UHRF2: variants seen among roughly 807,000 people sequenced by gnomAD.
UHRF2 encodes E3 ubiquitin-protein ligase UHRF2.
A neutral mutation model predicts 96.8 loss-of-function variants in UHRF2; 23 were observed. The observed-to-expected ratio is 0.24, with a 90% CI of 0.17 to 0.34. UHRF2 has a LOEUF of 0.34. UHRF2 is among the 10% of genes least tolerant of loss of function. UHRF2 has a pLI of 1.00. For missense variants in UHRF2, 685 were observed against 981.5 expected, an observed-to-expected ratio of 0.70 and a Z score of 4.04; for synonymous variants, 385 against 332.6, an observed-to-expected ratio of 1.16 and a Z score of -1.72.
intron 14 of UHRF2, among the ~76,000 whole-genome samples, chr9:6,503,874 A>T (rs1816437100): frequency 6.6e-6 from 1 of 152,098 alleles, no homozygotes; most frequent in African/African-American, 2.4e-5. Context: ...TGACTTTTTA[A>T]CATCATATAT....
chr9:6,488,881 C>T (rs946968339), intron 9 of UHRF2, among the ~76,000 whole-genome samples: 2 of 151,410 alleles, frequency 1.3e-5, no homozygotes, highest in African/African-American at 2.4e-5. Context: ...GATGCGATTT[C>T]GGCTCACTGC....
intron 2 of UHRF2, among the ~76,000 whole-genome samples, chr9:6,423,289 G>A (rs976232362): frequency 6.6e-5 from 10 of 152,108 alleles, no homozygotes; most frequent in African/African-American, 1.9e-4. Context: ...TACCTAAGTT[G>A]ACCTACAACA....
chr9:6,423,667 C>A (rs1352254320), intron 2 of UHRF2, among the ~76,000 whole-genome samples: 1 of 149,428 alleles, frequency 6.7e-6, no homozygotes, highest in Non-Finnish European at 1.5e-5. Context: ...AAGTCTCGGC[C>A]GGGCGTGGTG....
In UHRF2 at chr9:6,477,681, TGCTC is replaced by T. The variant is rs1823667834; in HGVS notation, c.1034_1037del (p.Cys345SerfsTer29). The T allele has an allele frequency of 6.2e-7, 1 of 1,614,054 alleles. No individual in the cohort carries two copies. Among genetic ancestry groups the T allele is most frequent in the Admixed American group, 1.7e-5 (1 of 60,006 alleles). On this transcript the variant is annotated frameshift_variant, in exon 6 of 16. Transcript: ENST00000276893. LOFTEE classifies it high-confidence loss of function. ...AGACCCAGAAAAGAAATGTCATTCT[TGCTC>T]CTGTCGTGTATGTGGTGGGAAACAT...
Position 6,428,533 on chromosome 9 carries a change from C to CTTTTTTTTTTTTTTT in UHRF2, c.385-5357_385-5343dup, listed in dbSNP as rs1171172143. Reference sequence around the variant, plus strand: ...TGTAAATGGAACCATATTGCTTTTGCTTTTTTTTTTTTTTTTTTTTTTTTT... The same window carrying CTTTTTTTTTTTTTTT: ...TGTAAATGGAACCATATTGCTTTTGCTTTTTTTTTTTTTTTTTTTTTTTTTTTTTTTTTTTTTTTT... On this transcript the variant is annotated intron_variant, in intron 2 of 15. Coordinates refer to ENST00000276893, the MANE Select transcript of UHRF2 (RefSeq NM_152896.3). Among the ~76,000 whole-genome samples the CTTTTTTTTTTTTTTT allele has an allele frequency of 1.1e-3, 71 of 65,420 alleles. 9 individuals are homozygous for CTTTTTTTTTTTTTTT. Among genetic ancestry groups the CTTTTTTTTTTTTTTT allele is most frequent in the Middle Eastern group, 0.014 (1 of 70 alleles). 42.9% of individuals were successfully genotyped at this position (65,420 alleles called of 152,430 possible).
chr9:6,490,197 T>C (rs1824574619), intron 9 of UHRF2, among the ~76,000 whole-genome samples: 1 of 152,242 alleles, frequency 6.6e-6, no homozygotes. Flanking sequence ...TATTTAACTC[T>C]GGTAACTCAG....
chr9:6,458,061 G>A (rs1822293003), intron 3 of UHRF2, among the ~76,000 whole-genome samples: 1 of 152,102 alleles, frequency 6.6e-6, no homozygotes, highest in Admixed American at 6.5e-5. Flanking sequence ...CCTGTTGTTT[G>A]GAATAGTTTC....
At chr9:6,425,135 G>T (rs913802405) in intron 2 of UHRF2, among the ~76,000 whole-genome samples, 1 of 152,126 alleles carries the variant, frequency 6.6e-6, no homozygotes, top group African/African-American at 2.4e-5. Context: ...CACACTTAAG[G>T]AGTGGGAAGT....
chr9:6,484,278 G>GT (rs1374875567), intron 8 of UHRF2, among the ~76,000 whole-genome samples: 15 of 151,930 alleles, frequency 9.9e-5, no homozygotes, highest in Non-Finnish European at 1.5e-5. Flanking sequence ...GTCATGCTAT[G>GT]TTACCCAGGC....
In UHRF2 at chr9:6,430,629, A is replaced by G. The variant is rs868192475; in HGVS notation, c.385-3285A>G. Among the ~76,000 whole-genome samples, 5 of 152,156 alleles carry G rather than the reference A, an allele frequency of 3.3e-5. No individual in the cohort carries two copies. In the South Asian group the frequency reaches 8.3e-4, roughly 25 times the overall value. ...CTCCCTTATCTAACTCTTAAACACC[A>G]AGCCAATATTCCGCCCTGATCACCC... On this transcript the variant is annotated intron_variant, in intron 2 of 15. Transcript: ENST00000276893.
intron 3 of UHRF2, among the ~76,000 whole-genome samples, chr9:6,450,921 G>A (rs1472984785): frequency 1.3e-5 from 2 of 152,028 alleles, no homozygotes; most frequent in Non-Finnish European, 2.9e-5. Flanking sequence ...ATATGTGTTT[G>A]GTCATGTTTC....
chr9:6,479,743 T>G (rs1350730992), intron 6 of UHRF2, among the ~76,000 whole-genome samples: 3 of 152,152 alleles, frequency 2.0e-5, no homozygotes, highest in Non-Finnish European at 4.4e-5. Flanking sequence ...TACTAATCAT[T>G]TTATCTACTT....
At chr9:6,504,194 T>A (rs560180591) in intron 14 of UHRF2, among the ~76,000 whole-genome samples, 41 of 151,954 alleles carry the variant, frequency 2.7e-4, no homozygotes, top group African/African-American at 8.0e-4. Flanking sequence ...CCCAGATAAT[T>A]TTTTGTATTT....
intron 3 of UHRF2, among the ~76,000 whole-genome samples, chr9:6,455,102 A>C (rs947269096): frequency 6.6e-6 from 1 of 152,030 alleles, no homozygotes; most frequent in Non-Finnish European, 1.5e-5. Context: ...TCCCTCTACT[A>C]CCTAGCAATA....
rs117107261 is a variant in UHRF2 at position 6,451,947 on chromosome 9, G to T, written c.645-8626G>T. ...AAGTAACAATGTTAGTTTGGTTTAC[G>T]CTTCTGTTTTAATAAAAGTGTATTG... On this transcript the variant is annotated intron_variant, in intron 3 of 15. Coordinates refer to ENST00000276893, the MANE Select transcript of UHRF2 (RefSeq NM_152896.3). Among the ~76,000 whole-genome samples the T allele has an allele frequency of 3.4e-3, 522 of 151,914 alleles. 4 individuals carry two copies. The highest frequency in any genetic ancestry group is 5.8e-3 in the Non-Finnish European group (395 of 67,962).
chr9:6,466,199 G>A (rs1004949373), intron 4 of UHRF2, among the ~76,000 whole-genome samples: 4 of 151,888 alleles, frequency 2.6e-5, no homozygotes, highest in Non-Finnish European at 5.9e-5. Context: ...TCAGGAGTTC[G>A]AGACCAGCCT....
At chr9:6,454,300 G>A (rs1400340155) in intron 3 of UHRF2, among the ~76,000 whole-genome samples, 4 of 152,194 alleles carry the variant, frequency 2.6e-5, no homozygotes, top group African/African-American at 4.8e-5. Flanking sequence ...ATTGATACAA[G>A]GATCCAAAAC....
intron 3 of UHRF2, among the ~76,000 whole-genome samples, chr9:6,440,015 A>G (rs957488201): frequency 6.6e-6 from 1 of 152,326 alleles, no homozygotes; most frequent in South Asian, 2.1e-4. Context: ...TCAGTTGTAT[A>G]TCTTCCTCAA....
chr9:6,420,706 CAAAA>C (rs879041284), intron 1 of UHRF2, among the ~76,000 whole-genome samples: 2 of 70,778 alleles, frequency 2.8e-5, no homozygotes, highest in Admixed American at 1.6e-4. Context: ...GACACCGTCT[CAAAA>C]AAAAAAAAAA....
Sources: gnomAD v4.1 joint callset for allele counts (sites outside exome capture counted in the v4.1 genomes callset) on GRCh38, gnomAD v4.1.1 for gene constraint, MANE v1.5 for transcripts, NCBI Gene and HGNC (gene_info 2026-07-23, HGNC 2026-07-21) for gene names.